SLIT3: variants seen among roughly 807,000 people sequenced by gnomAD.
SLIT3 encodes the protein slit homolog 3 protein.
Under a neutral mutation model 184.0 loss-of-function variants are expected in SLIT3, and 68 were observed. The observed-to-expected ratio is 0.37, with a 90% confidence interval of 0.30 to 0.45. The LOEUF (loss-of-function observed/expected upper bound fraction) is 0.45, where lower values mean the gene tolerates loss of function less well. SLIT3 is among the 20% of genes least tolerant of loss of function. The pLI is 1.00. For synonymous variants in SLIT3, 831 were observed against 828.6 expected (o/e 1.00, Z -0.05); for missense variants, 1,707 against 2,026.0 (o/e 0.84, Z 3.02).
intron 3 of SLIT3, among the ~76,000 whole-genome samples, chr5:169,227,423 T>C (rs1214882356): frequency 6.6e-6 from 1 of 152,092 alleles, no homozygotes; most frequent in Non-Finnish European, 1.5e-5. Context: ...AAAATAAGTG[T>C]GGTTTTGTCA....
In SLIT3 at chr5:168,669,873, T is replaced by G; in HGVS notation, c.4246A>C (p.Lys1416Gln). Residue 1416 changes from lysine to glutamine, a missense_variant, in exon 35 of 36, where the codon AAG becomes CAG. Physicochemically the swap from Lys to Gln is moderately conservative, Grantham distance 53. This residue lies in a region of SLIT3 where 387 missense variants were observed against 477.9 expected (regional missense o/e 0.81). Coordinates refer to ENST00000519560, the MANE Select transcript of SLIT3 (RefSeq NM_003062.4). Reference sequence around the variant, plus strand: ...ATGTGGCACTGCCCATGGTGACACTTGAAGGCTGAGCAGGCATTGGCAGAG... The same window carrying G: ...ATGTGGCACTGCCCATGGTGACACTGGAAGGCTGAGCAGGCATTGGCAGAG... ...NDSANACSAF[K>Q]CHHGQCHISD... is the part of the protein sequence containing the mutation. The G allele has an allele frequency of 6.2e-7, 1 of 1,614,190 alleles. No homozygotes were observed. Among genetic ancestry groups the G allele is most frequent in the East Asian group, 2.2e-5 (1 of 44,886 alleles).
In SLIT3 at chr5:168,690,130, TTTTC is replaced by T. The variant is rs1275087782; in HGVS notation, c.3176+2473_3176+2476del. ...ACCTGCACCCTTGACCACGTTTTTG[TTTTC>T]TTTCTTTTTTTTTTTTTTTTTAGAC... On this transcript the variant is annotated intron_variant, in intron 29 of 35. Transcript: ENST00000519560. 2.0e-4 allele frequency among the ~76,000 whole-genome samples: 31 copies of T among 151,410 alleles called. No homozygotes were observed. In the East Asian group the frequency reaches 2.5e-3, roughly 12 times the overall value.
chr5:169,008,617 G>C (rs893390231), intron 4 of SLIT3, among the ~76,000 whole-genome samples: 3 of 152,138 alleles, frequency 2.0e-5, no homozygotes, highest in African/African-American at 7.2e-5. Flanking sequence ...CGGTCTCTCT[G>C]TGTCTCACCA....
At chr5:169,015,931 AAC>A (rs3138760) in intron 4 of SLIT3, among the ~76,000 whole-genome samples, 19,519 of 119,856 alleles carry the variant, frequency 0.16, 1,460 homozygotes, top group Middle Eastern at 0.22. Flanking sequence ...GAAAAATATA[AAC>A]ACACACACAC....
intron 1 of SLIT3, among the ~76,000 whole-genome samples, chr5:169,285,066 A>G (rs1417662096): frequency 2.0e-5 from 3 of 151,980 alleles, no homozygotes; most frequent in Non-Finnish European, 4.4e-5. Flanking sequence ...GTGTACCACC[A>G]TGCCAAGCTA....
At position 169,203,285 on chromosome 5, in the gene SLIT3, G is replaced by T. The variant is rs551329203; in HGVS notation, c.342-9735C>A. ...CAAGGGTATATATTAGTACACTAGG[G>T]CTCAGACTCCAAGAAAACATATCTA... On this transcript the variant is annotated intron_variant, in intron 3 of 35. Transcript: ENST00000519560. Among the ~76,000 whole-genome samples, 247 of 151,684 alleles carry T rather than the reference G, an allele frequency of 1.6e-3. 2 individuals carry two copies. Among genetic ancestry groups the T allele is most frequent in the African/African-American group, 5.8e-3 (242 of 41,370 alleles).
chr5:169,266,725 C>T (rs888677871), intron 1 of SLIT3, among the ~76,000 whole-genome samples: 2 of 152,136 alleles, frequency 1.3e-5, no homozygotes, highest in Non-Finnish European at 2.9e-5. Flanking sequence ...CTTGTCTATG[C>T]TAACTGATAC....
At chr5:168,886,324 G>A (rs1760208960) in intron 4 of SLIT3, among the ~76,000 whole-genome samples, 1 of 152,126 alleles carries the variant, frequency 6.6e-6, no homozygotes, top group Admixed American at 6.5e-5. Context: ...AGGGCTGGGC[G>A]CTTCATTTTC....
intron 3 of SLIT3, among the ~76,000 whole-genome samples, chr5:169,231,991 T>C (rs1386120726): frequency 6.6e-6 from 1 of 152,208 alleles, no homozygotes; most frequent in African/African-American, 2.4e-5. Context: ...TCTCACCCAT[T>C]TTTCTACTGA....
At chr5:168,786,037 T>A in intron 11 of SLIT3, 59 bp from the exon 12 acceptor site, 1 of 1,220,400 alleles carries the variant, frequency 8.2e-7, no homozygotes, top group South Asian at 1.2e-5. Flanking sequence ...CAGAACCCAG[T>A]CCTGCAGGAA....
At chr5:169,194,671 G>A (rs1231716487) in intron 3 of SLIT3, among the ~76,000 whole-genome samples, 6 of 152,172 alleles carry the variant, frequency 3.9e-5, no homozygotes, top group Non-Finnish European at 8.8e-5. Context: ...TGGAGGTGGA[G>A]AAGTAGGCCC....
intron 9 of SLIT3, among the ~76,000 whole-genome samples, chr5:168,800,593 AAAG>A (rs1212877787): frequency 7.5e-5 from 8 of 106,322 alleles, no homozygotes; most frequent in South Asian, 2.9e-4. Context: ...GTCTCAAAAA[AAAG>A]AAAGAAAGAA....
chr5:168,817,863 C>A (rs1757388537), intron 7 of SLIT3, among the ~76,000 whole-genome samples: 1 of 152,162 alleles, frequency 6.6e-6, no homozygotes. Context: ...TTGCTTGAAA[C>A]ATGCTTCTCA....
chr5:169,084,798 G>A (rs780635054), intron 4 of SLIT3, among the ~76,000 whole-genome samples: 3 of 152,172 alleles, frequency 2.0e-5, no homozygotes, highest in Non-Finnish European at 4.4e-5. Context: ...TGTACCTGCT[G>A]AGGGGGCCCA....
chr5:168,987,810 C>G (rs529811055), intron 4 of SLIT3, among the ~76,000 whole-genome samples: 1 of 152,198 alleles, frequency 6.6e-6, no homozygotes, highest in Non-Finnish European at 1.5e-5. Context: ...CGGGAAAGAA[C>G]GAAATGATTT....
intron 4 of SLIT3, among the ~76,000 whole-genome samples, chr5:168,936,164 T>C (rs1412427061): frequency 6.6e-6 from 1 of 152,216 alleles, no homozygotes; most frequent in African/African-American, 2.4e-5. Flanking sequence ...CCATGACTTG[T>C]AGACAGGAAA....
intron 6 of SLIT3, among the ~76,000 whole-genome samples, chr5:168,828,658 C>CAAAAAAAAAAAAAAAAAAAAAAAAAAAAA (rs56974958): frequency 2.1e-5 from 2 of 97,124 alleles, no homozygotes; most frequent in Non-Finnish European, 4.1e-5. Context: ...GATCCTGACT[C>CAAAAAAAAAAAAAAAAAAAAAAAAAAAAA]AAAAAAAAAA....
Position 169,041,392 on chromosome 5 carries a change from A to T in SLIT3, c.413+152087T>A, listed in dbSNP as rs1033373565. Among the ~76,000 whole-genome samples the T allele has an allele frequency of 7.2e-5, 11 of 152,178 alleles. 1 individual carries two copies. The East Asian group carries it at 2.1e-3, about 29-fold the overall frequency. On this transcript the variant is annotated intron_variant, in intron 4 of 35. Transcript: ENST00000519560. The stretch of plus-strand genomic sequence containing the variant: ...CACAACAGAGTATGATGAGTGCCGG[A>T]TGGAGCCGAGTACTGGATACCATGG...
chr5:169,187,780 C>G (rs1763406517), intron 4 of SLIT3, among the ~76,000 whole-genome samples: 1 of 151,954 alleles, frequency 6.6e-6, no homozygotes, highest in South Asian at 2.1e-4. Flanking sequence ...TCTCAAACTC[C>G]TGGCTTCAAG....
Sources: gnomAD v4.1 joint callset for allele counts (sites outside exome capture counted in the v4.1 genomes callset) on GRCh38, gnomAD v4.1.1 for gene constraint, gnomAD v4.1.1 regional missense constraint, MANE v1.5 for transcripts, NCBI Gene and HGNC (gene_info 2026-07-23, HGNC 2026-07-21) for gene names.